MRTFB: variants seen among roughly 807,000 people sequenced by gnomAD.
MRTFB encodes myocardin related transcription factor B, also known as myocardin-related transcription factor B.
In MRTFB, 29 loss-of-function variants were observed where a neutral mutation model predicts 104.2. The ratio of observed to expected loss-of-function variants is 0.28; its 90% CI spans 0.21 to 0.38. The LOEUF is 0.38. Ranked by LOEUF, MRTFB falls within the 10% of genes least tolerant of loss-of-function variation. MRTFB has a pLI of 1.00. For synonymous variants in MRTFB, 535 were observed against 519.5 expected (o/e 1.03, Z -0.41); for missense variants, 1,270 against 1,341.6 (o/e 0.95, Z 0.83).
At chr16:14,114,752 G>A (rs563094541) in intron 2 of MRTFB, among the ~76,000 whole-genome samples, 4 of 152,188 alleles carry the variant, frequency 2.6e-5, no homozygotes, top group Admixed American at 2.0e-4. Context: ...TTCCTTTCTA[G>A]TGCATTGGGT....
intron 2 of MRTFB, among the ~76,000 whole-genome samples, chr16:14,106,547 A>G (rs778462685): frequency 6.6e-6 from 1 of 152,180 alleles, no homozygotes; most frequent in Non-Finnish European, 1.5e-5. Context: ...AGCCTCTCCA[A>G]ACCTCATGGG....
At chr16:14,247,641 G>A in intron 12 of MRTFB, 134 bp downstream of exon 12, 2 of 735,874 alleles carry the variant, frequency 2.7e-6, no homozygotes, top group Non-Finnish European at 4.3e-6. Flanking sequence ...GTATGCATGT[G>A]TGAGAGGGTT....
At chr16:14,020,691 G>A in the MRTFB span, among the ~76,000 whole-genome samples, 1 of 152,270 alleles carries the variant, frequency 6.6e-6, no homozygotes, top group South Asian at 2.1e-4. Flanking sequence ...CCAGATGACG[G>A]CAGCTCCAGA....
chr16:14,007,168 G>A, the MRTFB span, among the ~76,000 whole-genome samples: 1,017 of 152,124 alleles, frequency 6.7e-3, 12 homozygotes, highest in African/African-American at 0.023. Flanking sequence ...GAACACTTTC[G>A]TTACCCCAAA....
the MRTFB span, among the ~76,000 whole-genome samples, chr16:14,031,998 T>C: frequency 6.6e-6 from 1 of 152,118 alleles, no homozygotes; most frequent in African/African-American, 2.4e-5. Context: ...AGTAGAGACA[T>C]AGTTTCGCCA....
At chr16:14,026,502 A>G in the MRTFB span, among the ~76,000 whole-genome samples, 1 of 152,248 alleles carries the variant, frequency 6.6e-6, no homozygotes, top group Non-Finnish European at 1.5e-5. Flanking sequence ...AGGAGTTCTT[A>G]CACATTACAC....
At chr16:14,224,770 T>G (rs542996479) in intron 8 of MRTFB, among the ~76,000 whole-genome samples, 217 of 152,292 alleles carry the variant, frequency 1.4e-3, no homozygotes, top group Admixed American at 4.0e-3. Context: ...AATTAAAACA[T>G]TCCCAGACAA....
upstream of MRTFB, among the ~76,000 whole-genome samples, chr16:14,068,771 G>T (rs1329200192): frequency 6.6e-6 from 1 of 152,150 alleles, no homozygotes; most frequent in Non-Finnish European, 1.5e-5. Flanking sequence ...TTACTTCTGG[G>T]TGTGTCTGTG....
chr16:14,054,911 A>T, the MRTFB span, among the ~76,000 whole-genome samples: 8 of 152,262 alleles, frequency 5.3e-5, no homozygotes, highest in African/African-American at 1.4e-4. Context: ...CACCTCATTA[A>T]AAAGCAAAAA....
chr16:14,166,496 T>TTTG (rs778407959), intron 3 of MRTFB, among the ~76,000 whole-genome samples: 1 of 152,102 alleles, frequency 6.6e-6, no homozygotes, highest in Non-Finnish European at 1.5e-5. Context: ...GGTTTACATT[T>TTTG]TTGTTGTTGT....
At position 14,261,247 on chromosome 16, in the gene MRTFB, A is replaced by C. The variant is rs760745363; in HGVS notation, c.3103A>C (p.Thr1035Pro). ...GGACCATTCACACTCACCCATGGAGACTTCCGAGACCCAGTTTGCTGCAGG... is the reference window on the plus strand; with the variant it reads ...GGACCATTCACACTCACCCATGGAGCCTTCCGAGACCCAGTTTGCTGCAGG... ...MLDHSHSPMETSETQFAAGTP... is the reference protein window; with the variant it reads ...MLDHSHSPMEPSETQFAAGTP... The change falls in exon 17 of 17, where the codon ACT (threonine) becomes CCT (proline). Residue 1035 changes from threonine to proline, a missense_variant. By Grantham distance (38) the Thr-to-Pro change is conservative. Transcript: ENST00000571589. 2 of 1,614,050 alleles carry C rather than the reference A, an allele frequency of 1.2e-6. No individual in the cohort carries two copies. Among genetic ancestry groups the C allele is most frequent in the Non-Finnish European group, 8.5e-7 (1 of 1,180,008 alleles).
intron 9 of MRTFB, among the ~76,000 whole-genome samples, chr16:14,237,599 A>G (rs961975574): frequency 6.6e-6 from 1 of 152,214 alleles, no homozygotes; most frequent in African/African-American, 2.4e-5. Flanking sequence ...TGTAGGGTCA[A>G]GGAAGGCTGT....
At chr16:14,108,521 T>C (rs907034297) in intron 2 of MRTFB, among the ~76,000 whole-genome samples, 1 of 152,198 alleles carries the variant, frequency 6.6e-6, no homozygotes, top group Admixed American at 6.5e-5. Flanking sequence ...ACATGTTAGC[T>C]GTTAAAGTCA....
At chr16:14,166,588 T>A (rs946041621) in intron 3 of MRTFB, among the ~76,000 whole-genome samples, 8 of 152,164 alleles carry the variant, frequency 5.3e-5, no homozygotes, top group Admixed American at 4.6e-4. Context: ...GGTGGTTTGC[T>A]GCACCTGTCA....
chr16:14,258,177 C>T lies in MRTFB; in HGVS notation c.2764+16C>T, dbSNP rs1054573807. 3 of 1,609,460 alleles carry T rather than the reference C, an allele frequency of 1.9e-6. No homozygotes were observed. The highest frequency in any genetic ancestry group is 1.6e-4 in the Middle Eastern group (1 of 6,070). On this transcript the variant is annotated intron_variant, in intron 16 of 16. Coordinates refer to ENST00000571589, the MANE Select transcript of MRTFB (RefSeq NM_001308142.2). The stretch of plus-strand genomic sequence containing the variant: ...AAGAGTGGAGGTAAGTCAAAAGTCA[C>T]ATCAGATCCTCCCAGGAAGTCATCT...
At chr16:14,219,277 T>A (rs1190929993) in intron 8 of MRTFB, among the ~76,000 whole-genome samples, 1 of 152,208 alleles carries the variant, frequency 6.6e-6, no homozygotes, top group Non-Finnish European at 1.5e-5. Context: ...AAATACACAT[T>A]GAGCACCTAT....
At chr16:14,143,107 T>G (rs2038094157) in intron 3 of MRTFB, 1 of 151,992 alleles carries the variant, frequency 6.6e-6, no homozygotes, top group African/African-American at 2.4e-5. Context: ...TCTGTCTCTT[T>G]GGTTTGAGTT....
intron 3 of MRTFB, chr16:14,200,912 C>G (rs564342486): frequency 1.4e-6 from 2 of 1,450,736 alleles, no homozygotes; most frequent in East Asian, 2.3e-5. Flanking sequence ...ACCAGCATGG[C>G]TACTTTATAT....
the MRTFB span, among the ~76,000 whole-genome samples, chr16:14,041,199 C>T: frequency 4.6e-5 from 7 of 152,076 alleles, no homozygotes; most frequent in Non-Finnish European, 8.8e-5. Context: ...GTGGTAAAAA[C>T]ACATAATATA....
Sources: gnomAD v4.1 joint callset for allele counts (sites outside exome capture counted in the v4.1 genomes callset) on GRCh38, gnomAD v4.1.1 for gene constraint, MANE v1.5 for transcripts, NCBI Gene and HGNC (gene_info 2026-07-23, HGNC 2026-07-21) for gene names.